The following SPNS3 variants were observed in gnomAD, a reference collection of about 807,000 sequenced individuals.
The protein encoded by SPNS3 is protein spinster homolog 3.
A neutral mutation model predicts 54.4 loss-of-function variants in SPNS3; 51 were observed. The ratio of observed to expected loss-of-function variants is 0.94; its 90% CI spans 0.75 to 1.18. SPNS3 has a LOEUF of 1.18. Among genes scored for constraint, SPNS3 ranks in the 50% most tolerant of loss-of-function variants. The pLI is 0.00. For missense variants in SPNS3, 669 were observed against 677.4 expected (o/e 0.99, Z 0.14); for synonymous variants, 309 against 294.7 (o/e 1.05, Z -0.50).
intron 2 of SPNS3, among the ~76,000 whole-genome samples, chr17:4,444,633 A>C (rs1970934693): frequency 6.6e-6 from 1 of 151,560 alleles, no homozygotes; most frequent in East Asian, 1.9e-4. Flanking sequence ...GAAAAATCAG[A>C]CCTGTCCCCA....
At chr17:4,438,237 G>A (rs543711694) in intron 1 of SPNS3, among the ~76,000 whole-genome samples, 1 of 152,316 alleles carries the variant, frequency 6.6e-6, no homozygotes, top group Non-Finnish European at 1.5e-5. Context: ...GTGGTTCTGG[G>A]TGTGTGGACA....
At chr17:4,487,705 G>T in intron 11 of SPNS3, 101 bp from the exon 12 acceptor site, 1 of 1,022,318 alleles carries the variant, frequency 9.8e-7, no homozygotes. Context: ...TTCTGCATTT[G>T]GGACAGAGAG....
intron 7 of SPNS3, among the ~76,000 whole-genome samples, chr17:4,451,233 T>C (rs1971155334): frequency 7.1e-6 from 1 of 141,356 alleles, no homozygotes; most frequent in Admixed American, 7.8e-5. Flanking sequence ...AGAAAGCACT[T>C]CTTCTTCTTC....
At chr17:4,459,289 G>A (rs896835325) in intron 8 of SPNS3, among the ~76,000 whole-genome samples, 4 of 152,314 alleles carry the variant, frequency 2.6e-5, no homozygotes, top group South Asian at 2.1e-4. Context: ...TGTCAGGCAC[G>A]TGGACAGGTG....
intron 8 of SPNS3, among the ~76,000 whole-genome samples, chr17:4,473,519 C>G (rs985583815): frequency 2.0e-5 from 3 of 151,868 alleles, no homozygotes; most frequent in African/African-American, 7.3e-5. Context: ...ACCCGAGTAG[C>G]TGGGATTACA....
At chr17:4,440,633 C>T (rs1970825292) in intron 2 of SPNS3, among the ~76,000 whole-genome samples, 1 of 152,122 alleles carries the variant, frequency 6.6e-6, no homozygotes, top group African/African-American at 2.4e-5. Context: ...TTGTACAATT[C>T]CCTGTCTACC....
intron 7 of SPNS3, 124 bp from the exon 8 acceptor site, chr17:4,452,892 A>G: frequency 1.1e-6 from 1 of 907,288 alleles, no homozygotes; most frequent in Non-Finnish European, 1.7e-6. Context: ...CCACAGCCAT[A>G]TTCCCTGTAG....
rs397837193 is a variant in SPNS3 at position 4,477,970 on chromosome 17, CTTTT to C, written c.1114-586_1114-583del. Among the ~76,000 whole-genome samples, 149 of 97,588 alleles carry C rather than the reference CTTTT, an allele frequency of 1.5e-3. 1 individual carries two copies. Among genetic ancestry groups the C allele is most frequent in the African/African-American group, 6.4e-3 (141 of 21,906 alleles). The allele number at this position is 97,588 out of a possible 152,430, so 64.0% of individuals were successfully genotyped here. ...AAAGTCTGTTTTTTTTTCACTTTTCCTTTTTTTTTTTTTTTTTTTGAGGCGGAGT... is the reference window on the plus strand; with the variant it reads ...AAAGTCTGTTTTTTTTTCACTTTTCCTTTTTTTTTTTTTTTGAGGCGGAGT... On this transcript the variant is annotated intron_variant, in intron 8 of 11. Transcript: ENST00000355530.
Position 4,487,931 on chromosome 17 carries a change from C to T in SPNS3, c.*37C>T, listed in dbSNP as rs748925172. On this transcript the variant is annotated 3_prime_UTR_variant, in exon 12 of 12. Transcript: ENST00000355530. ...ACACTCGTCCTGCCTGCAAGCCTCC[C>T]GTTGGTCCCCACAGCAGCAGTGCCT... The T allele has an allele frequency of 8.8e-6, 14 of 1,585,776 alleles. No homozygotes were observed. The highest frequency in any genetic ancestry group is 4.4e-5 in the South Asian group (4 of 90,318).
In SPNS3 at chr17:4,446,126, C is replaced by G; in HGVS notation, c.481C>G (p.Leu161Val). ...ASYSTIAPTV[L>V]GDLFVRDQRT... ...CTACTCCACCATCGCGCCCACCGTC[C>G]TGGGCGACCTCTTCGTGAGGGACCA... The change falls in exon 4 of 12, where the codon CTG becomes GTG. Residue 161 changes from leucine to valine, a missense_variant. Physicochemically the swap from Leu to Val is conservative, Grantham distance 32. Transcript: ENST00000355530. The G allele has an allele frequency of 6.2e-7, 1 of 1,613,806 alleles. No individual in the cohort carries two copies. Among genetic ancestry groups the G allele is most frequent in the Non-Finnish European group, 8.5e-7 (1 of 1,179,772 alleles).
chr17:4,438,399 C>T (rs1398859268), intron 1 of SPNS3, among the ~76,000 whole-genome samples: 1 of 152,232 alleles, frequency 6.6e-6, no homozygotes, highest in African/African-American at 2.4e-5. Context: ...AGCTCAGGGC[C>T]TGGCTGTCAG....
At chr17:4,450,762 A>AT (rs11415054) in intron 7 of SPNS3, among the ~76,000 whole-genome samples, 72,854 of 127,078 alleles carry the variant, frequency 0.57, 21,489 homozygotes, top group Non-Finnish European at 0.64. Flanking sequence ...ATGCCCAGCT[A>AT]TTTTTTTTTT....
At chr17:4,468,631 G>C (rs947944473) in intron 8 of SPNS3, among the ~76,000 whole-genome samples, 18 of 151,814 alleles carry the variant, frequency 1.2e-4, no homozygotes, top group South Asian at 1.0e-3. Flanking sequence ...TGGAGGGAGG[G>C]ATTAGCAGTT....
At chr17:4,465,337 T>C (rs1044148192) in intron 8 of SPNS3, among the ~76,000 whole-genome samples, 4 of 152,102 alleles carry the variant, frequency 2.6e-5, no homozygotes, top group African/African-American at 4.8e-5. Context: ...TTTTATGACC[T>C]ACCCTTGAAA....
chr17:4,460,429 ATTTTTT>A (rs34851131), intron 8 of SPNS3, among the ~76,000 whole-genome samples: 1 of 98,940 alleles, frequency 1.0e-5, no homozygotes. Flanking sequence ...GTATTGCTGG[ATTTTTT>A]TTTTTTTTTT....
intron 7 of SPNS3, among the ~76,000 whole-genome samples, chr17:4,452,799 G>T (rs371342758): frequency 1.3e-5 from 2 of 152,096 alleles, no homozygotes; most frequent in South Asian, 2.1e-4. Context: ...AGGCAGGAAA[G>T]GGGGTAGGGG....
At chr17:4,472,032 AT>A (rs1383617907) in intron 8 of SPNS3, among the ~76,000 whole-genome samples, 2 of 150,040 alleles carry the variant, frequency 1.3e-5, no homozygotes, top group African/African-American at 4.9e-5. Flanking sequence ...CAATTTTTGT[AT>A]TTTTTAGTAG....
chr17:4,460,429 ATTTTT>A (rs34851131), intron 8 of SPNS3, among the ~76,000 whole-genome samples: 1 of 98,934 alleles, frequency 1.0e-5, no homozygotes, highest in Non-Finnish European at 2.1e-5. Flanking sequence ...GTATTGCTGG[ATTTTT>A]TTTTTTTTTT....
chr17:4,460,268 C>A (rs571889790), intron 8 of SPNS3, among the ~76,000 whole-genome samples: 1 of 152,172 alleles, frequency 6.6e-6, no homozygotes, highest in East Asian at 1.9e-4. Context: ...AGACATCTGG[C>A]TTTTGTCTTC....
Sources: allele counts gnomAD v4.1 joint callset (sites outside exome capture counted in the v4.1 genomes callset), GRCh38; gene constraint gnomAD v4.1.1; transcripts MANE v1.5; gene names NCBI Gene and HGNC (gene_info 2026-07-23, HGNC 2026-07-21).